The following PAN3 variants were observed in gnomAD, a reference collection of about 807,000 sequenced individuals.
The protein encoded by PAN3 is PAN2-PAN3 deadenylation complex subunit PAN3.
Under a neutral mutation model 96.2 loss-of-function variants are expected in PAN3, and 19 were observed. The observed-to-expected ratio is 0.20, with a 90% CI of 0.14 to 0.29. The LOEUF is 0.29. Among genes scored for constraint, PAN3 ranks in the 10% least tolerant of loss-of-function variants. The pLI, the probability that PAN3 is intolerant of heterozygous loss-of-function variation, is 1.00. For synonymous variants in PAN3, 433 were observed against 406.6 expected (o/e 1.06, Z -0.78); for missense variants, 882 against 1,108.1 (o/e 0.80, Z 2.90).
At chr13:28,289,525 A>ACCC (rs918527359) in intron 18 of PAN3, among the ~76,000 whole-genome samples, 1 of 151,860 alleles carries the variant, frequency 6.6e-6, no homozygotes, top group Non-Finnish European at 1.5e-5. Flanking sequence ...CAGTCCACCC[A>ACCC]CCCCCAAAGT....
At chr13:28,208,223 G>GT (rs1879602151) in intron 5 of PAN3, among the ~76,000 whole-genome samples, 1 of 152,124 alleles carries the variant, frequency 6.6e-6, no homozygotes, top group Non-Finnish European at 1.5e-5. Flanking sequence ...TGACAAATAG[G>GT]TTTTACTGTT....
intron 5 of PAN3, among the ~76,000 whole-genome samples, chr13:28,219,582 A>G (rs1453107082): frequency 6.6e-6 from 1 of 152,202 alleles, no homozygotes; most frequent in Non-Finnish European, 1.5e-5. Context: ...ATATATAAAG[A>G]GTTGTAGCAT....
At chr13:28,150,363 T>C (rs945448974) in intron 1 of PAN3, among the ~76,000 whole-genome samples, 1 of 152,158 alleles carries the variant, frequency 6.6e-6, no homozygotes, top group African/African-American at 2.4e-5. Flanking sequence ...CTGTGGCTCA[T>C]GCCTGTAATC....
intron 18 of PAN3, among the ~76,000 whole-genome samples, chr13:28,291,497 G>T (rs563990327): frequency 2.0e-5 from 3 of 152,074 alleles, no homozygotes; most frequent in Admixed American, 1.3e-4. Context: ...AAATAGCAAG[G>T]TGCTCATTTG....
chr13:28,190,318 C>T (rs991174372), intron 4 of PAN3, among the ~76,000 whole-genome samples: 1 of 152,184 alleles, frequency 6.6e-6, no homozygotes, highest in Admixed American at 6.5e-5. Context: ...TCATAGCCCA[C>T]TGCAGCTTTG....
intron 4 of PAN3, among the ~76,000 whole-genome samples, chr13:28,182,457 T>G (rs1001041945): frequency 1.3e-5 from 2 of 152,206 alleles, no homozygotes; most frequent in Non-Finnish European, 2.9e-5. Flanking sequence ...GTTGTTTCAG[T>G]CAATATGCGG....
intron 5 of PAN3, chr13:28,216,016 G>GC: frequency 1.6e-6 from 1 of 627,250 alleles, no homozygotes; most frequent in Non-Finnish European, 2.8e-6. Flanking sequence ...AGATAACAAT[G>GC]CATCTTAAAA....
At chr13:28,206,349 T>G (rs1879363976) in intron 5 of PAN3, among the ~76,000 whole-genome samples, 1 of 138,646 alleles carries the variant, frequency 7.2e-6, no homozygotes, top group East Asian at 2.1e-4. Flanking sequence ...TGAGACAGAG[T>G]TTCGCACTGA....
chr13:28,277,218 A>T lies in PAN3; in HGVS notation c.2050-19A>T. 1 of 1,595,240 alleles carries T rather than the reference A, an allele frequency of 6.3e-7. No homozygotes were observed. Among genetic ancestry groups the T allele is most frequent in the South Asian group, 1.1e-5 (1 of 87,868 alleles). ...CTGTGAAATGAAAATTAAAAGTTAT[A>T]TTTATTCTTTCATGTCAGCAAGCAG... On this transcript the variant is annotated intron_variant, in intron 14 of 18. Coordinates refer to ENST00000380958, the MANE Select transcript of PAN3 (RefSeq NM_175854.8).
intron 9 of PAN3, among the ~76,000 whole-genome samples, chr13:28,266,036 GT>G (rs67638164): frequency 0.87 from 17,288 of 19,850 alleles, 8,615 homozygotes; most frequent in Middle Eastern, 1. Flanking sequence ...CGCCCGGCCG[GT>G]TTTTTTTTTT....
At chr13:28,289,836 T>A (rs751390178) in intron 18 of PAN3, among the ~76,000 whole-genome samples, 4 of 152,040 alleles carry the variant, frequency 2.6e-5, no homozygotes, top group Non-Finnish European at 4.4e-5. Context: ...GAGCCGAGAT[T>A]GGGCCACTGC....
intron 6 of PAN3, among the ~76,000 whole-genome samples, chr13:28,255,571 G>A (rs969340666): frequency 2.6e-5 from 4 of 152,016 alleles, no homozygotes; most frequent in Admixed American, 6.6e-5. Context: ...TGTTCCACTG[G>A]AACATAGTGG....
intron 5 of PAN3, among the ~76,000 whole-genome samples, chr13:28,213,337 A>C (rs531363520): frequency 6.6e-6 from 1 of 152,296 alleles, no homozygotes; most frequent in East Asian, 1.9e-4. Flanking sequence ...TGGTATCTGC[A>C]GAGGAGCTGG....
intron 15 of PAN3, among the ~76,000 whole-genome samples, chr13:28,278,359 A>G (rs990928264): frequency 2.0e-5 from 3 of 152,234 alleles, no homozygotes; most frequent in Admixed American, 2.0e-4. Flanking sequence ...TGTTTTATAT[A>G]TGATCACAAC....
chr13:28,252,884 T>C (rs953074761), intron 6 of PAN3, among the ~76,000 whole-genome samples: 3 of 152,188 alleles, frequency 2.0e-5, no homozygotes, highest in African/African-American at 7.2e-5. Flanking sequence ...ATTACTATAT[T>C]TGCTGTAGTG....
Position 28,293,699 on chromosome 13 carries a change from C to T in PAN3, c.*1177C>T, listed in dbSNP as rs1245771887. On this transcript the variant is annotated 3_prime_UTR_variant, in exon 19 of 19. Coordinates refer to ENST00000380958, the MANE Select transcript of PAN3 (RefSeq NM_175854.8). ...CATCTCAAAAGTTTGGGATTTTCCTCCTCTTAACTTTCTTAATATTTGGAC... is the reference window on the plus strand; with the variant it reads ...CATCTCAAAAGTTTGGGATTTTCCTTCTCTTAACTTTCTTAATATTTGGAC... 3 of 152,564 alleles carry T rather than the reference C, an allele frequency of 2.0e-5. No individual in the cohort carries two copies. Among genetic ancestry groups the T allele is most frequent in the Non-Finnish European group, 4.4e-5 (3 of 68,026 alleles). The allele number at this position is 152,564 out of a possible 1,614,324, so 9.5% of individuals were successfully genotyped here.
intron 5 of PAN3, among the ~76,000 whole-genome samples, chr13:28,199,978 G>A (rs972318884): frequency 2.6e-5 from 4 of 152,068 alleles, no homozygotes; most frequent in African/African-American, 4.8e-5. Flanking sequence ...CTCTTTACGC[G>A]TATTGTCTTT....
At chr13:28,250,742 AGTCCGCCTGC>A (rs1233579714) in intron 6 of PAN3, among the ~76,000 whole-genome samples, 1 of 152,168 alleles carries the variant, frequency 6.6e-6, no homozygotes, top group African/African-American at 2.4e-5. Context: ...GGCCTCAAGC[AGTCCGCCTGC>A]GTCAGCCTCC....
chr13:28,212,720 A>T (rs1466822611), intron 5 of PAN3, among the ~76,000 whole-genome samples: 1 of 152,154 alleles, frequency 6.6e-6, no homozygotes, highest in Non-Finnish European at 1.5e-5. Context: ...GTTTGATGGG[A>T]TTAATGGCAA....
Sources: gnomAD v4.1 joint callset for allele counts (sites outside exome capture counted in the v4.1 genomes callset) on GRCh38, gnomAD v4.1.1 for gene constraint, MANE v1.5 for transcripts, NCBI Gene and HGNC (gene_info 2026-07-23, HGNC 2026-07-21) for gene names.